Variants in GATA5 observed in about 807,000 individuals in gnomAD.
The protein encoded by GATA5 is GATA binding protein 5, also known as transcription factor GATA-5.
Under a neutral mutation model 35.0 loss-of-function variants are expected in GATA5, and 27 were observed. The observed-to-expected ratio is 0.77, with a 90% CI of 0.57 to 1.06. The LOEUF is 1.06. Ranked by LOEUF, GATA5 falls within the 50% of genes least tolerant of loss-of-function variation. The pLI, the probability that GATA5 is intolerant of heterozygous loss-of-function variation, is 0.00. For synonymous variants in GATA5, 306 were observed against 267.8 expected, an observed-to-expected ratio of 1.14 and a Z score of -1.39; for missense variants, 612 against 580.0, an observed-to-expected ratio of 1.06 and a Z score of -0.57.
In GATA5 at chr20:62,465,542, T is replaced by C. The variant is rs927539349; in HGVS notation, c.914-78A>G. On this transcript the variant is annotated intron_variant, in intron 5 of 6. Coordinates refer to ENST00000252997, the MANE Select transcript of GATA5 (RefSeq NM_080473.5). Reference sequence around the variant, plus strand: ...CCTTCCTGCCATGTAGCGGGTCTCCTCTGGCCCCGGCCCAGAGAGGTTTGG... The same window carrying C: ...CCTTCCTGCCATGTAGCGGGTCTCCCCTGGCCCCGGCCCAGAGAGGTTTGG... 1.6e-5 allele frequency: 25 copies of C among 1,530,498 alleles called. 1 individual carries two copies. In the East Asian group the frequency reaches 5.4e-4, roughly 33 times the overall value. 94.8% of individuals were successfully genotyped at this position (1,530,498 alleles called of 1,614,324 possible).
At chr20:62,473,785 G>T (rs1555896822) in intron 2 of GATA5, among the ~76,000 whole-genome samples, 10 of 152,196 alleles carry the variant, frequency 6.6e-5, no homozygotes. Flanking sequence ...ATTCACATAC[G>T]ATAAAATTCG....
At chr20:62,474,246 C>A (rs782367495) in intron 2 of GATA5, among the ~76,000 whole-genome samples, 2 of 152,188 alleles carry the variant, frequency 1.3e-5, no homozygotes, top group Non-Finnish European at 2.9e-5. Context: ...CCAGGCCCGG[C>A]CCGGCGCCGG....
intron 3 of GATA5, among the ~76,000 whole-genome samples, chr20:62,468,955 G>A (rs531659203): frequency 6.0e-4 from 91 of 152,352 alleles, no homozygotes; most frequent in Middle Eastern, 6.8e-3. Flanking sequence ...ACCCTGATGG[G>A]TCTAGAAGCA....
At chr20:62,472,558 C>T (rs546144805) in intron 3 of GATA5, among the ~76,000 whole-genome samples, 38 of 152,346 alleles carry the variant, frequency 2.5e-4, no homozygotes, top group African/African-American at 8.7e-4. Flanking sequence ...AGGAACATAC[C>T]CTTGCTCAGC....
chr20:62,470,834 C>A lies in GATA5; in HGVS notation c.699+2569G>T, dbSNP rs1555896473. Among the ~76,000 whole-genome samples, 1 of 152,102 alleles carries A rather than the reference C, an allele frequency of 6.6e-6. No homozygotes were observed. The highest frequency in any genetic ancestry group is 1.5e-5 in the Non-Finnish European group (1 of 67,998). On this transcript the variant is annotated intron_variant, in intron 3 of 6. Coordinates refer to ENST00000252997, the MANE Select transcript of GATA5 (RefSeq NM_080473.5). This position sits in a 1 kb window ranked among gnomAD's most constrained non-coding sequence, Gnocchi z 4.6. ...TGGGGAGAGGGCACGGTGGTCCCTA[C>A]CCTCCGAGGCCTCTGGTCTTGGCAA...
chr20:62,475,408 G>A lies in GATA5; in HGVS notation c.114C>T (p.Arg38=). The A allele has an allele frequency of 7.4e-7, 1 of 1,356,392 alleles. No individual in the cohort carries two copies. Among genetic ancestry groups the A allele is most frequent in the Non-Finnish European group, 9.5e-7 (1 of 1,053,466 alleles). 84.0% of individuals were successfully genotyped at this position (1,356,392 alleles called of 1,614,324 possible). The change falls in exon 2 of 7, where the codon CGC becomes CGT. Residue 38 remains arginine, a synonymous_variant. Transcript: ENST00000252997. The part of the protein sequence containing the change: ...AGSPMFVPPA[R]VPSMLSYLSG... ...ACAGGTAGGACAGCATCGAGGGGAC[G>A]CGCGCCGGCGGCACAAACATCGGAG...
chr20:62,468,873 C>G (rs1185991366), intron 3 of GATA5, among the ~76,000 whole-genome samples: 3 of 152,212 alleles, frequency 2.0e-5, no homozygotes, highest in Admixed American at 2.0e-4. Flanking sequence ...TGGTGGGCAC[C>G]CTTCGTGCAG....
chr20:62,470,796 C>T lies in GATA5; in HGVS notation c.699+2607G>A, dbSNP rs377581721. Reference sequence around the variant, plus strand: ...AAGAGCTCCCAACCGTGTCCGAGCACAGAGCCAGACCATGGGGAGAGGGCA... The same window carrying T: ...AAGAGCTCCCAACCGTGTCCGAGCATAGAGCCAGACCATGGGGAGAGGGCA... On this transcript the variant is annotated intron_variant, in intron 3 of 6. Transcript: ENST00000252997. This position sits in a 1 kb window ranked among gnomAD's most constrained non-coding sequence, Gnocchi z 4.6. Among the ~76,000 whole-genome samples, 20 of 152,258 alleles carry T rather than the reference C, an allele frequency of 1.3e-4. No homozygotes were observed. In the East Asian group the frequency reaches 2.5e-3, roughly 19 times the overall value.
Position 62,475,514 on chromosome 20 carries a change from T to C in GATA5, c.8A>G (p.Gln3Arg), listed in dbSNP as rs113068438. MY[Q>R]SLALAASPRQ... Reference sequence around the variant, plus strand: ...GGGGCTCGCGGCCAGCGCCAGGCTCTGGTACATCCTCCCAGGCGTGGTCTT... The same window carrying C: ...GGGGCTCGCGGCCAGCGCCAGGCTCCGGTACATCCTCCCAGGCGTGGTCTT... Residue 3 changes from glutamine to arginine, a missense_variant, in exon 2 of 7, where the codon CAG becomes CGG. Coordinates refer to ENST00000252997, the MANE Select transcript of GATA5 (RefSeq NM_080473.5). 6.8e-3 allele frequency: 9,009 copies of C among 1,318,038 alleles called. 47 individuals carry two copies. The highest frequency in any genetic ancestry group is 7.9e-3 in the Non-Finnish European group (8,224 of 1,035,520). The allele number at this position is 1,318,038 out of a possible 1,614,324, so 81.6% of individuals were successfully genotyped here.
chr20:62,469,121 G>A lies in GATA5; in HGVS notation c.700-2570C>T, dbSNP rs78935095. On this transcript the variant is annotated intron_variant, in intron 3 of 6. Coordinates refer to ENST00000252997, the MANE Select transcript of GATA5 (RefSeq NM_080473.5). The stretch of plus-strand genomic sequence containing the variant: ...CCACCTCTCGGACACCCACCCATCC[G>A]TCTGTCTTCCTGAAGTGGAAAGAAA... 5.8e-3 allele frequency among the ~76,000 whole-genome samples: 876 copies of A among 152,332 alleles called. 5 individuals carry two copies. The highest frequency in any genetic ancestry group is 0.02 in the African/African-American group (831 of 41,576).
intron 3 of GATA5, among the ~76,000 whole-genome samples, chr20:62,471,820 T>G (rs914708046): frequency 6.6e-6 from 1 of 150,906 alleles, no homozygotes; most frequent in East Asian, 1.9e-4. Flanking sequence ...CCTTGAACTC[T>G]TGGGCTCAAG....
chr20:62,472,264 G>A (rs534807794), intron 3 of GATA5, among the ~76,000 whole-genome samples: 185 of 152,242 alleles, frequency 1.2e-3, no homozygotes, highest in African/African-American at 4.2e-3. Flanking sequence ...GAGAAGTGAC[G>A]GCCGCCCCCG....
In GATA5 at chr20:62,464,702, G is replaced by A; in HGVS notation, c.*134C>T. On this transcript the variant is annotated 3_prime_UTR_variant, in exon 7 of 7. Coordinates refer to ENST00000252997, the MANE Select transcript of GATA5 (RefSeq NM_080473.5). ...CAGAAGGCCTCCCCACCACTGTGTG[G>A]AGACTCCAGCAGACCCAGTCTCTGG... The A allele has an allele frequency of 1.3e-6, 1 of 776,258 alleles. No homozygotes were observed. The highest frequency in any genetic ancestry group is 2.0e-6 in the Non-Finnish European group (1 of 501,242). 48.1% of individuals were successfully genotyped at this position (776,258 alleles called of 1,614,324 possible).
Position 62,470,271 on chromosome 20 carries a change from C to T in GATA5, c.699+3132G>A, listed in dbSNP as rs1185549363. 6.6e-6 allele frequency among the ~76,000 whole-genome samples: 1 copy of T among 152,194 alleles called. No homozygotes were observed. The highest frequency in any genetic ancestry group is 1.5e-5 in the Non-Finnish European group (1 of 68,032). Reference sequence around the variant, plus strand: ...CTGGCTTGGAGGGATGAAGCGCACACGCCGGGAAACACTTTGGAGTAAAGG... The same window carrying T: ...CTGGCTTGGAGGGATGAAGCGCACATGCCGGGAAACACTTTGGAGTAAAGG... On this transcript the variant is annotated intron_variant, in intron 3 of 6. Coordinates refer to ENST00000252997, the MANE Select transcript of GATA5 (RefSeq NM_080473.5). The surrounding 1 kb of genome is among the most constrained non-coding windows in gnomAD (Gnocchi z 4.6).
At chr20:62,475,857 G>A (rs1233524348) in intron 1 of GATA5, 73 bp downstream of exon 1, 1 of 197,376 alleles carries the variant, frequency 5.1e-6, no homozygotes, top group Middle Eastern at 1.7e-3. Flanking sequence ...GGCCTGGAGA[G>A]CGGGGCCCCG....
chr20:62,464,870 C>A lies in GATA5; in HGVS notation c.1160G>T (p.Arg387Leu), dbSNP rs145330430. ...GGCCAGCGCACACCAGGCCTCTTGGCGCAGAGCCCCCCTGAGGCCAGCCTG... is the reference window on the plus strand; with the variant it reads ...GGCCAGCGCACACCAGGCCTCTTGGAGCAGAGCCCCCCTGAGGCCAGCCTG... ...SPQAGLRGALRQEAWCALALA is the reference protein window; with the variant it reads ...SPQAGLRGALLQEAWCALALA The change falls in exon 7 of 7, where the codon CGC becomes CTC. Residue 387 changes from arginine (R) to leucine (L), a missense_variant. Transcript: ENST00000252997. 1 of 1,609,212 alleles carries A rather than the reference C, an allele frequency of 6.2e-7. No homozygotes were observed. The highest frequency in any genetic ancestry group is 2.2e-5 in the East Asian group (1 of 44,720).
rs782248283 is a variant in GATA5 at position 62,465,856 on chromosome 20, G to A, written c.891C>T (p.Ile297=). 44 of 1,593,950 alleles carry A rather than the reference G, an allele frequency of 2.8e-5. No homozygotes were observed. Among genetic ancestry groups the A allele is most frequent in the Middle Eastern group, 3.3e-4 (2 of 6,058 alleles). Reference sequence around the variant, plus strand: ...CACCTGAGGAGCCCCTGGCCTTGGCGATGGTCTTTGGCTTCCGCTTCCGTG... The same window carrying A: ...CACCTGAGGAGCCCCTGGCCTTGGCAATGGTCTTTGGCTTCCGCTTCCGTG... ...IQTRKRKPKT[I]AKARGSSGST... The change falls in exon 5 of 7, where the codon ATC becomes ATT. Residue 297 remains isoleucine, a synonymous_variant. Transcript: ENST00000252997.
At position 62,466,488 on chromosome 20, in the gene GATA5, G is replaced by A. The variant is rs919823669; in HGVS notation, c.763C>T (p.Arg255Trp). The A allele has an allele frequency of 8.3e-6, 13 of 1,573,908 alleles. No homozygotes were observed. The highest frequency in any genetic ancestry group is 7.4e-5 in the Admixed American group (4 of 54,354). Residue 255 changes from arginine (R) to tryptophan (W), a missense_variant, in exon 4 of 7, where the codon CGG becomes TGG. Arg to Trp is a moderately radical substitution (Grantham distance 101, BLOSUM62 -3). Coordinates refer to ENST00000252997, the MANE Select transcript of GATA5 (RefSeq NM_080473.5). ...NCHTTNTTLW[R>W]RNSEGEPVCN... ...ACGGGCTCCCCCTCCGAGTTCCGCC[G>A]CCACAGCGTGGTGTTGGTCGTGTGG...
chr20:62,464,944 G>C lies in GATA5; in HGVS notation c.1086C>G (p.Phe362Leu), dbSNP rs1466031614. 3.8e-6 allele frequency: 6 copies of C among 1,585,064 alleles called. No homozygotes were observed. Among genetic ancestry groups the C allele is most frequent in the African/African-American group, 1.4e-5 (1 of 73,498 alleles). Residue 362 changes from phenylalanine (F) to leucine (L), a missense_variant, in exon 7 of 7, where the codon TTC becomes TTG. Transcript: ENST00000252997. ...DDSLAPGHLE[F>L]KFEPEDFAFP... The stretch of plus-strand genomic sequence containing the variant: ...AGGCAAAGTCCTCAGGCTCGAACTT[G>C]AACTCCAAGTGGCCGGGGGCAAGAG...
Sources: allele counts gnomAD v4.1 joint callset (sites outside exome capture counted in the v4.1 genomes callset), GRCh38; gene constraint gnomAD v4.1.1; non-coding constraint Gnocchi (gnomAD v3.1); transcripts MANE v1.5; gene names NCBI Gene and HGNC (gene_info 2026-07-23, HGNC 2026-07-21).